The following MIOS variants were observed in gnomAD, a reference collection of about 807,000 sequenced individuals.
MIOS encodes meiosis regulator for oocyte development, also known as GATOR2 complex protein MIOS.
MIOS carries 52 observed loss-of-function variants against 96.9 expected under a neutral mutation model. The observed-to-expected ratio is 0.54, with a 90% CI of 0.43 to 0.68. The LOEUF (loss-of-function observed/expected upper bound fraction) is 0.68, where lower values mean the gene tolerates loss of function less well. Ranked by LOEUF, MIOS falls within the 30% of genes least tolerant of loss-of-function variation. The pLI is 0.00. For missense variants in MIOS, 1,005 were observed against 1,052.8 expected (o/e 0.95, Z 0.63); for synonymous variants, 397 against 359.5 (o/e 1.10, Z -1.18).
chr7:7,589,622 T>A, intron 9 of MIOS, 59 bp downstream of exon 9: 8 of 1,532,414 alleles, frequency 5.2e-6, no homozygotes, highest in Non-Finnish European at 7.1e-6. Flanking sequence ...TTTTCTTTCC[T>A]CAGTTGAAAG....
intron 11 of MIOS, among the ~76,000 whole-genome samples, chr7:7,602,569 A>G (rs1475221422): frequency 2.0e-5 from 3 of 152,198 alleles, no homozygotes; most frequent in East Asian, 3.8e-4. Flanking sequence ...TCAAGGAAAT[A>G]AAAGAGGATA....
intron 9 of MIOS, among the ~76,000 whole-genome samples, chr7:7,594,336 T>A (rs1784140725): frequency 6.6e-6 from 1 of 151,378 alleles, no homozygotes. Context: ...AAATGGAGTC[T>A]CATTCTGTCA....
intron 11 of MIOS, 89 bp downstream of exon 11, chr7:7,596,550 A>G (rs572014873): frequency 2.1e-5 from 27 of 1,266,346 alleles, no homozygotes; most frequent in Middle Eastern, 2.0e-4. Context: ...CAAACTAGCT[A>G]GAGTTATTAT....
At chr7:7,574,244 A>G in intron 5 of MIOS, 48 bp downstream of exon 5, 3 of 1,416,696 alleles carry the variant, frequency 2.1e-6, no homozygotes, top group Non-Finnish European at 2.9e-6. Context: ...TAACTTTTGT[A>G]CTTTTATTTT....
intron 5 of MIOS, among the ~76,000 whole-genome samples, chr7:7,575,642 T>C (rs1453577873): frequency 6.6e-6 from 1 of 152,198 alleles, no homozygotes; most frequent in East Asian, 1.9e-4. Flanking sequence ...CAGGCCACAC[T>C]GCACTCAATT....
rs1224065257 is a variant in MIOS at position 7,573,978 on chromosome 7, AAT to A, written c.1295-118_1295-117del. ...AGGAGGAAGAAAAGTGTATCTCTGC[AAT>A]AGAGTCGAACCACCTTATTTACACT... On this transcript the variant is annotated intron_variant, in intron 4 of 12. Coordinates refer to ENST00000340080, the MANE Select transcript of MIOS (RefSeq NM_019005.4). The surrounding 1 kb of genome is among the most constrained non-coding windows in gnomAD (Gnocchi z 5.0). The A allele has an allele frequency of 6.9e-4, 627 of 902,542 alleles. 3 individuals carry two copies. The highest frequency in any genetic ancestry group is 5.6e-5 in the Non-Finnish European group (34 of 606,710). The allele number at this position is 902,542 out of a possible 1,614,324, so 55.9% of individuals were successfully genotyped here.
intron 3 of MIOS, among the ~76,000 whole-genome samples, chr7:7,569,715 G>A (rs979118549): frequency 4.6e-5 from 7 of 152,350 alleles, no homozygotes; most frequent in Admixed American, 2.0e-4. Context: ...AAAGAATACT[G>A]TTTAATGACA....
chr7:7,595,637 T>A (rs1784183388), intron 10 of MIOS, among the ~76,000 whole-genome samples: 1 of 152,180 alleles, frequency 6.6e-6, no homozygotes, highest in Non-Finnish European at 1.5e-5. Flanking sequence ...TTATCCTCAA[T>A]ATGAGCACTG....
At chr7:7,586,342 T>C (rs1157752887) in intron 7 of MIOS, among the ~76,000 whole-genome samples, 1 of 152,218 alleles carries the variant, frequency 6.6e-6, no homozygotes, top group African/African-American at 2.4e-5. Context: ...CTTTGTGTTA[T>C]TCTTTTTCTC....
At position 7,572,815 on chromosome 7, in the gene MIOS, C is replaced by A. The variant is rs199841865; in HGVS notation, c.340C>A (p.Arg114=). 150 of 1,614,094 alleles carry A rather than the reference C, an allele frequency of 9.3e-5. No homozygotes were observed. The African/African-American group carries it at 1.8e-3, about 19-fold the overall frequency. ...AAAAGAGTTTGTTCCAAAACATGCA[C>A]GACAATGTAATACCCTTGCCTGGAA... ...IGKEFVPKHA[R]QCNTLAWNPL... Residue 114 remains arginine (R), a synonymous_variant, in exon 4 of 13, where the codon CGA becomes AGA. Transcript: ENST00000340080. The surrounding 1 kb of genome is among the most constrained non-coding windows in gnomAD (Gnocchi z 4.8).
chr7:7,591,402 C>G (rs1224474984), intron 9 of MIOS, among the ~76,000 whole-genome samples: 1 of 151,102 alleles, frequency 6.6e-6, no homozygotes, highest in Non-Finnish European at 1.5e-5. Flanking sequence ...ACCTCAGCCT[C>G]CCAAGGAACT....
At chr7:7,587,702 C>A (rs1044702507) in intron 7 of MIOS, among the ~76,000 whole-genome samples, 1 of 151,886 alleles carries the variant, frequency 6.6e-6, no homozygotes, top group African/African-American at 2.4e-5. Flanking sequence ...CTCTTTAGGG[C>A]AAAACCATAT....
chr7:7,567,757 A>G (rs759648665), intron 2 of MIOS, 69 bp downstream of exon 2: 28 of 152,290 alleles, frequency 1.8e-4, no homozygotes, highest in Non-Finnish European at 3.7e-4. Flanking sequence ...TAGTATTTTA[A>G]TGTGTTGGAC....
chr7:7,604,651 T>A (rs78077293), intron 11 of MIOS, among the ~76,000 whole-genome samples: 1 of 152,210 alleles, frequency 6.6e-6, no homozygotes, highest in Non-Finnish European at 1.5e-5. Context: ...CCTAAAGTGT[T>A]CTGTGGCACT....
chr7:7,607,267 G>A lies in MIOS; in HGVS notation c.*175G>A, dbSNP rs1270510321. On this transcript the variant is annotated 3_prime_UTR_variant, in exon 13 of 13. Transcript: ENST00000340080. ...GAGTGATTTTGATATGCTTCACAGA[G>A]ACAAATGCTGCCAAAATAAACATCG... 7.9e-6 allele frequency: 4 copies of A among 507,390 alleles called. No homozygotes were observed. Among genetic ancestry groups the A allele is most frequent in the Non-Finnish European group, 1.4e-5 (4 of 291,336 alleles). 31.4% of individuals were successfully genotyped at this position (507,390 alleles called of 1,614,324 possible).
intron 11 of MIOS, chr7:7,605,726 G>A: frequency 2.3e-6 from 1 of 441,876 alleles, no homozygotes; most frequent in Non-Finnish European, 4.0e-6. Flanking sequence ...AGTGGGTTTG[G>A]ATTTTTTTTT....
At chr7:7,578,294 G>A (rs1039620376) in intron 5 of MIOS, among the ~76,000 whole-genome samples, 2 of 152,186 alleles carry the variant, frequency 1.3e-5, no homozygotes, top group South Asian at 4.1e-4. Context: ...AGTGTTATTA[G>A]TAGGTATAAT....
intron 11 of MIOS, among the ~76,000 whole-genome samples, chr7:7,597,480 ATATATATATATATATAT>A (rs1784240709): frequency 1.8e-4 from 6 of 32,920 alleles, no homozygotes; most frequent in Non-Finnish European, 4.4e-4. Context: ...ATATATATAT[ATATATATATATATATAT>A]ATATATATAT....
intron 5 of MIOS, chr7:7,582,536 G>T: frequency 1.9e-6 from 1 of 521,904 alleles, no homozygotes; most frequent in Non-Finnish European, 2.5e-6. Flanking sequence ...GGGAAAAATA[G>T]CCCTCAAGTT....
Sources: gnomAD v4.1 joint callset for allele counts (sites outside exome capture counted in the v4.1 genomes callset) on GRCh38, gnomAD v4.1.1 for gene constraint, Gnocchi (gnomAD v3.1) non-coding constraint, MANE v1.5 for transcripts, NCBI Gene and HGNC (gene_info 2026-07-23, HGNC 2026-07-21) for gene names.